KIF13B: variants seen among roughly 807,000 people sequenced by gnomAD.
KIF13B encodes kinesin family member 13B.
In KIF13B, 127 loss-of-function variants were observed where a neutral mutation model predicts 222.0. The ratio of observed to expected loss-of-function variants is 0.57; its 90% CI spans 0.50 to 0.66. KIF13B has a LOEUF of 0.66. Ranked by LOEUF, KIF13B falls within the 30% of genes least tolerant of loss-of-function variation. The probability of loss-of-function intolerance (pLI) is 0.00; values close to 1 mark genes in which losing one functional copy is unlikely to be tolerated. For missense variants in KIF13B, 2,173 were observed against 2,379.0 expected (o/e 0.91, Z 1.80); for synonymous variants, 976 against 919.0 (o/e 1.06, Z -1.12).
intron 18 of KIF13B, among the ~76,000 whole-genome samples, chr8:29,143,868 A>T (rs1173051559): frequency 1.3e-5 from 2 of 151,912 alleles, no homozygotes; most frequent in Non-Finnish European, 2.9e-5. Flanking sequence ...AATAAAATTA[A>T]AAAAAAGTAA....
intron 2 of KIF13B, among the ~76,000 whole-genome samples, chr8:29,233,523 TCAAA>T (rs1395468802): frequency 6.6e-6 from 1 of 152,248 alleles, no homozygotes; most frequent in African/African-American, 2.4e-5. Context: ...GGTGAGTACC[TCAAA>T]CAATTTTAAT....
At chr8:29,185,883 GT>G (rs1812903075) in intron 6 of KIF13B, among the ~76,000 whole-genome samples, 1 of 152,218 alleles carries the variant, frequency 6.6e-6, no homozygotes, top group Non-Finnish European at 1.5e-5. Flanking sequence ...AGTTACAGCT[GT>G]AGAGTCAAAC....
intron 14 of KIF13B, among the ~76,000 whole-genome samples, chr8:29,152,283 G>A (rs1811332543): frequency 6.6e-6 from 1 of 152,190 alleles, no homozygotes. Flanking sequence ...ACAACAGAGG[G>A]TTTAGAATAT....
chr8:29,144,684 A>G (rs534580666), intron 18 of KIF13B, among the ~76,000 whole-genome samples: 5 of 152,336 alleles, frequency 3.3e-5, no homozygotes, highest in African/African-American at 9.6e-5. Context: ...ACCTGGGACT[A>G]TAATAGCAAC....
chr8:29,179,934 C>T (rs547192953), intron 8 of KIF13B, among the ~76,000 whole-genome samples, 170 bp downstream of exon 8: 2 of 152,336 alleles, frequency 1.3e-5, no homozygotes, highest in African/African-American at 4.8e-5. Context: ...TGCTTCCCTA[C>T]ATGACATCCC....
At chr8:29,159,900 G>C (rs1811699103) in intron 13 of KIF13B, among the ~76,000 whole-genome samples, 2 of 152,208 alleles carry the variant, frequency 1.3e-5, no homozygotes, top group Non-Finnish European at 2.9e-5. Flanking sequence ...AATTCTCTTA[G>C]AGCTGTTTCC....
At chr8:29,262,934 C>G in intron 1 of KIF13B, 46 bp downstream of exon 1, 2 of 1,495,892 alleles carry the variant, frequency 1.3e-6, no homozygotes, top group Non-Finnish European at 1.8e-6. Context: ...GCGCGCCAGG[C>G]ACCTGCCGCC....
At chr8:29,194,260 A>G (rs1276851165) in intron 3 of KIF13B, among the ~76,000 whole-genome samples, 1 of 151,294 alleles carries the variant, frequency 6.6e-6, no homozygotes, top group East Asian at 1.9e-4. Flanking sequence ...GATAGGTTCT[A>G]AATGGCACTC....
chr8:29,228,472 A>AAAAAAAAAAATATATATATATATAT, intron 2 of KIF13B, among the ~76,000 whole-genome samples: 6 of 117,080 alleles, frequency 5.1e-5, no homozygotes, highest in African/African-American at 9.8e-5. Flanking sequence ...ATCTTAAAAA[A>AAAAAAAAAAATATATATATATATAT]ATATATATAT....
chr8:29,104,879 G>T (rs1040214136), intron 35 of KIF13B, among the ~76,000 whole-genome samples: 16 of 151,996 alleles, frequency 1.1e-4, no homozygotes, highest in Non-Finnish European at 1.9e-4. Context: ...CGAGTAGCTG[G>T]GACTACAGGT....
chr8:29,247,936 G>C (rs369511500), intron 1 of KIF13B, among the ~76,000 whole-genome samples: 1 of 149,944 alleles, frequency 6.7e-6, no homozygotes, highest in Non-Finnish European at 1.5e-5. Context: ...TGGCCAATAA[G>C]CACAAGAAAA....
At chr8:29,226,936 GTC>G (rs990688458) in intron 2 of KIF13B, among the ~76,000 whole-genome samples, 1 of 152,080 alleles carries the variant, frequency 6.6e-6, no homozygotes. Flanking sequence ...CATCACCAAG[GTC>G]TGACTGCAAA....
intron 35 of KIF13B, among the ~76,000 whole-genome samples, chr8:29,104,086 G>C (rs531472345): frequency 6.6e-6 from 1 of 151,984 alleles, no homozygotes; most frequent in Admixed American, 6.6e-5. Context: ...CCTTGGCCCT[G>C]TCTTCATTCC....
At position 29,148,638 on chromosome 8, in the gene KIF13B, T is replaced by C; in HGVS notation, c.1752A>G (p.Glu584=). The C allele has an allele frequency of 6.2e-7, 1 of 1,612,954 alleles. No homozygotes were observed. The highest frequency in any genetic ancestry group is 2.2e-5 in the East Asian group (1 of 44,856). Residue 584 remains glutamate (E), a synonymous_variant, in exon 16 of 40, where the codon GAA becomes GAG. Coordinates refer to ENST00000524189, the MANE Select transcript of KIF13B (RefSeq NM_015254.4). Reference sequence around the variant, plus strand: ...GTGCGTATTCGTAATTAAAGTTAACTTCACTGGACACCTCGCTGGAGGAGT... The same window carrying C: ...GTGCGTATTCGTAATTAAAGTTAACCTCACTGGACACCTCGCTGGAGGAGT... ...DGDSSSEVSS[E]VNFNYEYAQM...
At chr8:29,185,200 C>T (rs1812874677) in intron 6 of KIF13B, among the ~76,000 whole-genome samples, 1 of 152,090 alleles carries the variant, frequency 6.6e-6, no homozygotes, top group South Asian at 2.1e-4. Flanking sequence ...GAGGTTGTTC[C>T]CTACACCTGA....
At chr8:29,208,481 G>GT (rs1238164912) in intron 2 of KIF13B, among the ~76,000 whole-genome samples, 2 of 152,038 alleles carry the variant, frequency 1.3e-5, no homozygotes, top group African/African-American at 4.8e-5. Flanking sequence ...TGTTTTTTTG[G>GT]TTTTTTCTAG....
chr8:29,172,918 CTTT>C (rs1169656754), intron 10 of KIF13B, among the ~76,000 whole-genome samples: 5 of 140,158 alleles, frequency 3.6e-5, no homozygotes, highest in Non-Finnish European at 3.1e-5. Context: ...TTTTTTGGTG[CTTT>C]TTTTTTTTTT....
chr8:29,173,267 G>A (rs574469955), intron 10 of KIF13B, among the ~76,000 whole-genome samples: 1 of 152,112 alleles, frequency 6.6e-6, no homozygotes, highest in Non-Finnish European at 1.5e-5. Flanking sequence ...ACTGAAACAA[G>A]GACAATATAT....
rs1255481321 is a variant in KIF13B, at chr8:29,167,504, T to C, written c.1027A>G (p.Thr343Ala). 6.2e-7 allele frequency: 1 copy of C among 1,613,640 alleles called. No individual in the cohort carries two copies. Among genetic ancestry groups the C allele is most frequent in the Non-Finnish European group, 8.5e-7 (1 of 1,179,846 alleles). ...TTGGCTCGATCTGCATACCGCAGAG[T>C]TGAGAGGGTTTCATCATAGTTATCA... ...AADNYDETLS[T>A]LRYADRAKHI... The change falls in exon 11 of 40, where the codon ACT (threonine) becomes GCT (alanine). Residue 343 changes from threonine (T) to alanine (A), a missense_variant. This residue lies in a region of KIF13B where 1,480 missense variants were observed against 1,722.8 expected (regional missense o/e 0.86). Coordinates refer to ENST00000524189, the MANE Select transcript of KIF13B (RefSeq NM_015254.4).
Sources: allele counts gnomAD v4.1 joint callset (sites outside exome capture counted in the v4.1 genomes callset), GRCh38; gene constraint gnomAD v4.1.1; regional missense constraint gnomAD v4.1.1; transcripts MANE v1.5; gene names NCBI Gene and HGNC (gene_info 2026-07-23, HGNC 2026-07-21).